Variants in APP observed in about 807,000 individuals in gnomAD.
APP encodes amyloid beta precursor protein.
APP carries 31 observed loss-of-function variants against 101.4 expected under a neutral mutation model. That is an observed-to-expected ratio of 0.31 (90% CI 0.23 to 0.41). The LOEUF (loss-of-function observed/expected upper bound fraction) is 0.41. Ranked by LOEUF, APP falls within the 10% of genes least tolerant of loss-of-function variation. The pLI is 1.00. For synonymous variants in APP, 366 were observed against 364.4 expected, an observed-to-expected ratio of 1.00 and a Z score of -0.05; for missense variants, 839 against 1,003.7, an observed-to-expected ratio of 0.84 and a Z score of 2.22.
At position 25,997,402 on chromosome 21, in the gene APP, G is replaced by A; in HGVS notation, c.1048C>T (p.Leu350Phe). 1 of 1,613,498 alleles carries A rather than the reference G, an allele frequency of 6.2e-7. No individual in the cohort carries two copies. Among genetic ancestry groups the A allele is most frequent in the Non-Finnish European group, 8.5e-7 (1 of 1,179,462 alleles). ...GCAAGAGGTTCCTGGGTAGTCTTGA[G>A]TAAACTTTGGGACACTATGGAAAAA... ...VCGSAMSQSL[L>F]KTTQEPLARD... The change falls in exon 8 of 18, where the codon CTC becomes TTC. Residue 350 changes from leucine to phenylalanine, a missense_variant. Leu to Phe is a conservative substitution (Grantham distance 22). Transcript: ENST00000346798.
intron 8 of APP, among the ~76,000 whole-genome samples, chr21:25,983,282 C>A (rs1186908518): frequency 6.6e-6 from 1 of 151,640 alleles, no homozygotes; most frequent in Non-Finnish European, 1.5e-5. Flanking sequence ...AGCTTAAAAG[C>A]AAAAAGAAAA....
intron 3 of APP, among the ~76,000 whole-genome samples, chr21:26,059,153 G>T (rs576590899): frequency 3.4e-4 from 52 of 152,184 alleles, no homozygotes; most frequent in African/African-American, 1.2e-3. Context: ...CATCAGAGTG[G>T]GGTTGAGTAG....
At position 26,109,926 on chromosome 21, in the gene APP, C is replaced by T. The variant is rs150316423; in HGVS notation, c.225+2053G>A. Among the ~76,000 whole-genome samples, 462 of 152,280 alleles carry T rather than the reference C, an allele frequency of 3.0e-3. 3 individuals are homozygous for T. The highest frequency in any genetic ancestry group is 5.2e-3 in the Non-Finnish European group (353 of 68,036). On this transcript the variant is annotated intron_variant, in intron 2 of 17. Coordinates refer to ENST00000346798, the MANE Select transcript of APP (RefSeq NM_000484.4). Reference sequence around the variant, plus strand: ...TTATTTGACACTCAGAATACATAGTCTGTATGCATATATCAAAAAAATGGT... The same window carrying T: ...TTATTTGACACTCAGAATACATAGTTTGTATGCATATATCAAAAAAATGGT...
chr21:25,948,123 T>G (rs1234738665), intron 13 of APP, among the ~76,000 whole-genome samples: 1 of 151,726 alleles, frequency 6.6e-6, no homozygotes, highest in Admixed American at 6.6e-5. Context: ...CCTATGTTCT[T>G]ATAAGAACAA....
At chr21:26,080,319 A>AGTGCTGGAATTTCCTATAGAAAT (rs1168408570) in intron 3 of APP, among the ~76,000 whole-genome samples, 2 of 152,210 alleles carry the variant, frequency 1.3e-5, no homozygotes, top group African/African-American at 4.8e-5. Flanking sequence ...TAACTCAAAT[A>AGTGCTGGAATTTCCTATAGAAAT]GTGCTGGAAT....
At chr21:26,131,900 TTAAGA>T (rs1438643034) in intron 1 of APP, among the ~76,000 whole-genome samples, 1 of 148,222 alleles carries the variant, frequency 6.7e-6, no homozygotes, top group Non-Finnish European at 1.5e-5. Context: ...GATAGTTGAA[TTAAGA>T]TTTTTTTTTT....
intron 3 of APP, among the ~76,000 whole-genome samples, chr21:26,060,727 C>G (rs1005357732): frequency 6.6e-6 from 1 of 152,094 alleles, no homozygotes; most frequent in Non-Finnish European, 1.5e-5. Context: ...AGTGAGGGAA[C>G]AAAGTATTCA....
At chr21:26,136,289 A>C (rs2062915610) in intron 1 of APP, among the ~76,000 whole-genome samples, 1 of 152,132 alleles carries the variant, frequency 6.6e-6, no homozygotes, top group Admixed American at 6.6e-5. Context: ...TGAAAGAACC[A>C]ACATACCACA....
chr21:25,955,067 C>CT (rs2041257260), intron 12 of APP, among the ~76,000 whole-genome samples: 1 of 150,878 alleles, frequency 6.6e-6, no homozygotes, highest in Non-Finnish European at 1.5e-5. Flanking sequence ...ACCCTCATGC[C>CT]TAAATACATT....
intron 1 of APP, among the ~76,000 whole-genome samples, chr21:26,162,803 C>A (rs1011871123): frequency 7.0e-6 from 1 of 142,238 alleles, no homozygotes; most frequent in Non-Finnish European, 1.5e-5. Context: ...ATCTAGGATG[C>A]CTTACATTTT....
intron 6 of APP, among the ~76,000 whole-genome samples, chr21:26,017,044 A>G (rs1232668593): frequency 2.6e-5 from 4 of 151,370 alleles, no homozygotes; most frequent in Admixed American, 2.0e-4. Context: ...TAAAAATACA[A>G]AAAAATTAGC....
intron 8 of APP, among the ~76,000 whole-genome samples, chr21:25,991,467 TC>T (rs1265041754): frequency 1.3e-5 from 2 of 152,138 alleles, no homozygotes; most frequent in Non-Finnish European, 2.9e-5. Context: ...AACCTCTGCC[TC>T]CCGGGTTCAA....
At chr21:26,001,030 CTTAA>C (rs1324736141) in intron 6 of APP, among the ~76,000 whole-genome samples, 11 of 151,950 alleles carry the variant, frequency 7.2e-5, no homozygotes, top group Non-Finnish European at 1.5e-4. Flanking sequence ...AATTATGCTA[CTTAA>C]TTGATATTTA....
intron 3 of APP, among the ~76,000 whole-genome samples, chr21:26,081,472 C>T (rs1248260471): frequency 6.6e-6 from 1 of 152,152 alleles, no homozygotes; most frequent in African/African-American, 2.4e-5. Context: ...AGGAATTTCA[C>T]AAGATAATGT....
At chr21:26,159,085 A>AT (rs1363060636) in intron 1 of APP, among the ~76,000 whole-genome samples, 1 of 150,774 alleles carries the variant, frequency 6.6e-6, no homozygotes, top group African/African-American at 2.5e-5. Flanking sequence ...TAAGATAGTA[A>AT]ATTTTTTTTT....
intron 1 of APP, among the ~76,000 whole-genome samples, chr21:26,161,604 T>C (rs400154): frequency 0.033 from 5,091 of 152,302 alleles, 220 homozygotes; most frequent in East Asian, 0.2. Flanking sequence ...TAATTTTAAA[T>C]TGCTAATCAA....
At chr21:25,909,647 T>C (rs1410197086) in intron 14 of APP, among the ~76,000 whole-genome samples, 2 of 152,234 alleles carry the variant, frequency 1.3e-5, no homozygotes, top group Non-Finnish European at 2.9e-5. Flanking sequence ...CAACAAGGTA[T>C]GCTGTTAGTA....
At chr21:26,063,191 G>A (rs568546452) in intron 3 of APP, among the ~76,000 whole-genome samples, 47 of 152,308 alleles carry the variant, frequency 3.1e-4, no homozygotes, top group African/African-American at 1.1e-3. Context: ...GTGGTAATAC[G>A]TTAGAGTAGG....
intron 13 of APP, among the ~76,000 whole-genome samples, chr21:25,920,347 A>G (rs1168200353): frequency 6.6e-6 from 1 of 152,200 alleles, no homozygotes; most frequent in Admixed American, 6.5e-5. Context: ...AGCTAACATC[A>G]TAATGACAGG....
Sources: allele counts gnomAD v4.1 joint callset (sites outside exome capture counted in the v4.1 genomes callset), GRCh38; gene constraint gnomAD v4.1.1; transcripts MANE v1.5; gene names NCBI Gene and HGNC (gene_info 2026-07-23, HGNC 2026-07-21).